The following UNC79 variants were observed in gnomAD, a reference collection of about 807,000 sequenced individuals.
The protein encoded by UNC79 is unc-79 subunit of NALCN channel complex.
UNC79 carries 37 observed loss-of-function variants against 283.1 expected under a neutral mutation model. That is an observed-to-expected ratio of 0.13 (90% CI 0.10 to 0.17). The LOEUF (loss-of-function observed/expected upper bound fraction) is 0.17. UNC79 is among the 10% of genes least tolerant of loss of function. The pLI is 1.00. For synonymous variants in UNC79, 1,107 were observed against 1,200.2 expected, an observed-to-expected ratio of 0.92 and a Z score of 1.61; for missense variants, 2,272 against 3,211.1, an observed-to-expected ratio of 0.71 and a Z score of 7.07.
At chr14:93,643,057 T>C (rs191527845) in intron 33 of UNC79, among the ~76,000 whole-genome samples, 5 of 152,316 alleles carry the variant, frequency 3.3e-5, no homozygotes, top group Admixed American at 2.6e-4. Flanking sequence ...CTCCATTGTC[T>C]CCTCAGGCTT....
chr14:93,622,669 A>G (rs2067225047), exon 30 of UNC79: 2 of 1,614,092 alleles, frequency 1.2e-6, no homozygotes, highest in Non-Finnish European at 1.7e-6. Context: ...CTGATACAGA[A>G]CAGAATCCTG....
chr14:93,431,925 A>C (rs985157660), intron 1 of UNC79, among the ~76,000 whole-genome samples: 3 of 152,238 alleles, frequency 2.0e-5, no homozygotes, highest in African/African-American at 7.2e-5. Flanking sequence ...AGTACACTTG[A>C]GGGCTTGAGG....
chr14:93,689,037 A>G (rs1034387693), intron 44 of UNC79, 197 bp downstream of exon 47: 5 of 542,832 alleles, frequency 9.2e-6, no homozygotes, highest in African/African-American at 3.8e-5. Context: ...CTGCCAAAAA[A>G]TAAACCTGTC....
chr14:93,485,362 G>T (rs2140440548), intron 4 of UNC79, among the ~76,000 whole-genome samples: 2 of 151,862 alleles, frequency 1.3e-5, no homozygotes, highest in Admixed American at 1.3e-4. Flanking sequence ...ACACCTTACT[G>T]GGCATTTTCT....
intron 2 of UNC79, among the ~76,000 whole-genome samples, chr14:93,468,146 A>G (rs935654241): frequency 1.3e-5 from 2 of 152,380 alleles, no homozygotes; most frequent in Non-Finnish European, 2.9e-5. Flanking sequence ...AAAGCAATTC[A>G]GAATTATGTG....
At chr14:93,565,923 G>A (rs987515660) in intron 14 of UNC79, among the ~76,000 whole-genome samples, 2 of 152,278 alleles carry the variant, frequency 1.3e-5, no homozygotes, top group African/African-American at 4.8e-5. Context: ...GTATCTATTC[G>A]GTTGGAGCTG....
intron 35 of UNC79, among the ~76,000 whole-genome samples, chr14:93,648,516 G>A (rs1034154502): frequency 6.6e-5 from 10 of 152,090 alleles, no homozygotes; most frequent in African/African-American, 2.2e-4. Context: ...TGGATGTTGG[G>A]TGTGAGAGAA....
intron 1 of UNC79, among the ~76,000 whole-genome samples, chr14:93,363,654 G>T (rs139122033): frequency 1.0e-3 from 156 of 152,230 alleles, no homozygotes; most frequent in African/African-American, 3.7e-3. Flanking sequence ...TCCAGTGTTG[G>T]GTGAACATAT....
At chr14:93,365,117 G>T (rs1421367734) in intron 1 of UNC79, among the ~76,000 whole-genome samples, 1 of 152,088 alleles carries the variant, frequency 6.6e-6, no homozygotes, top group East Asian at 1.9e-4. Flanking sequence ...CAGGCATGGT[G>T]ACTCACGCCT....
chr14:93,582,161 C>A, intron 19 of UNC79, 42 bp from the exon 20 acceptor site: 2 of 1,613,800 alleles, frequency 1.2e-6, no homozygotes, highest in South Asian at 2.2e-5. Flanking sequence ...CCTGACACCC[C>A]TCCAGGGCTG....
chr14:93,364,766 T>C (rs2054295751), intron 1 of UNC79, among the ~76,000 whole-genome samples: 1 of 151,930 alleles, frequency 6.6e-6, no homozygotes, highest in African/African-American at 2.4e-5. Context: ...TAAATGTGGA[T>C]ACTGGGGCCT....
At chr14:93,481,246 T>C (rs1260044792) in intron 4 of UNC79, among the ~76,000 whole-genome samples, 1 of 152,188 alleles carries the variant, frequency 6.6e-6, no homozygotes, top group Non-Finnish European at 1.5e-5. Flanking sequence ...TTATTCCAAA[T>C]GTGCTCAATA....
In UNC79 at chr14:93,655,643, T is replaced by TG. The variant is rs1241196717; in HGVS notation, c.6456+237dup. On this transcript the variant is annotated intron_variant, in intron 38 of 48. Coordinates refer to ENST00000555664, the Ensembl canonical transcript of UNC79. ...TGAATATGCATGTTTCCAGTTGATTTGAAAAAAAAAAAAAAAAACAAAAAA... is the reference window on the plus strand; with the variant it reads ...TGAATATGCATGTTTCCAGTTGATTTGGAAAAAAAAAAAAAAAAACAAAAAA... Among the ~76,000 whole-genome samples, 903 of 136,326 alleles carry TG rather than the reference T, an allele frequency of 6.6e-3. 9 individuals carry two copies. Among genetic ancestry groups the TG allele is most frequent in the African/African-American group, 0.025 (861 of 35,028 alleles). The allele number at this position is 136,326 out of a possible 152,430, so 89.4% of individuals were successfully genotyped here.
At chr14:93,606,471 T>A (rs192675229) in intron 26 of UNC79, among the ~76,000 whole-genome samples, 2 of 152,338 alleles carry the variant, frequency 1.3e-5, no homozygotes, top group East Asian at 1.9e-4. Context: ...ACCCTGACTG[T>A]TTCTAACTTG....
intron 29 of UNC79, among the ~76,000 whole-genome samples, 196 bp downstream of exon 30, chr14:93,618,550 G>A (rs2066898376): frequency 1.3e-5 from 2 of 152,098 alleles, no homozygotes; most frequent in Non-Finnish European, 2.9e-5. Context: ...AATAAATGAT[G>A]TGCTTCCAAA....
chr14:93,529,411 T>G, intron 10 of UNC79, 85 bp downstream of exon 10: 2 of 1,452,386 alleles, frequency 1.4e-6, no homozygotes, highest in Non-Finnish European at 9.5e-7. Flanking sequence ...CTATTTTATT[T>G]TACAAAGACA....
chr14:93,534,114 T>G (rs1471881542), intron 11 of UNC79, among the ~76,000 whole-genome samples: 1 of 152,208 alleles, frequency 6.6e-6, no homozygotes. Context: ...GGAAAGCAGA[T>G]AGCAGTCATT....
Position 93,572,132 on chromosome 14 carries a change from C to A in UNC79, c.1946+48C>A, listed in dbSNP as rs184660279. Reference sequence around the variant, plus strand: ...TCACTGTAATTATAATCATATCTAACGTTTGGTGAGCATGTACTGTATGCC... The same window carrying A: ...TCACTGTAATTATAATCATATCTAAAGTTTGGTGAGCATGTACTGTATGCC... On this transcript the variant is annotated intron_variant, in intron 15 of 48. Transcript: ENST00000555664. 8 of 1,587,280 alleles carry A rather than the reference C, an allele frequency of 5.0e-6. No individual in the cohort carries two copies. In the African/African-American group the frequency reaches 8.0e-5, roughly 16 times the overall value.
intron 1 of UNC79, among the ~76,000 whole-genome samples, chr14:93,362,333 G>A (rs1285088313): frequency 6.6e-6 from 1 of 151,990 alleles, no homozygotes; most frequent in African/African-American, 2.4e-5. Context: ...CTTATGGTTG[G>A]TAGGTTTTTT....
Sources: gnomAD v4.1 joint callset for allele counts (sites outside exome capture counted in the v4.1 genomes callset) on GRCh38, gnomAD v4.1.1 for gene constraint, MANE v1.5 for transcripts, NCBI Gene and HGNC (gene_info 2026-07-23, HGNC 2026-07-21) for gene names.